The following HTR4 variants were observed in gnomAD, a reference collection of about 807,000 sequenced individuals.
The protein encoded by HTR4 is 5-hydroxytryptamine receptor 4, also known as 5-hydroxytryptamine (serotonin) receptor 4, G protein-coupled.
In HTR4, 16 loss-of-function variants were observed where a neutral mutation model predicts 36.8. That is an observed-to-expected ratio of 0.43 (90% confidence interval 0.29 to 0.66). HTR4 has a LOEUF of 0.66. Ranked by LOEUF, HTR4 falls within the 30% of genes least tolerant of loss-of-function variation. The pLI is 0.13. For synonymous variants in HTR4, 189 were observed against 185.1 expected (o/e 1.02, Z -0.17); for missense variants, 438 against 490.9 (o/e 0.89, Z 1.02).
chr5:148,570,303 A>T (rs988927294), intron 2 of HTR4, among the ~76,000 whole-genome samples: 2 of 152,146 alleles, frequency 1.3e-5, no homozygotes, highest in African/African-American at 4.8e-5. Context: ...GAGAAGAGGA[A>T]GCAGGCAGTC....
intron 6 of HTR4, among the ~76,000 whole-genome samples, chr5:148,496,040 C>A (rs1756670159): frequency 6.6e-6 from 1 of 152,074 alleles, no homozygotes; most frequent in Non-Finnish European, 1.5e-5. Flanking sequence ...GCGGAGGTTG[C>A]AGTAAGCCGA....
At chr5:148,626,908 G>A (rs1753130945) in intron 2 of HTR4, among the ~76,000 whole-genome samples, 1 of 152,106 alleles carries the variant, frequency 6.6e-6, no homozygotes, top group Admixed American at 6.5e-5. Context: ...TTACCTGAAT[G>A]TTCCACAGTT....
intron 5 of HTR4, among the ~76,000 whole-genome samples, chr5:148,461,010 G>A (rs1325013257): frequency 3.3e-5 from 5 of 151,900 alleles, no homozygotes; most frequent in Non-Finnish European, 7.4e-5. Flanking sequence ...TCATTATAAG[G>A]TATTTGTACT....
intron 5 of HTR4, among the ~76,000 whole-genome samples, chr5:148,522,793 C>A (rs1170869091): frequency 6.6e-6 from 1 of 152,062 alleles, no homozygotes; most frequent in South Asian, 2.1e-4. Context: ...TCTGGCTAAA[C>A]AAACCTAGCA....
chr5:148,637,138 A>T (rs1444225774), intron 1 of HTR4, 77 bp from the exon 2 acceptor site: 1 of 898,206 alleles, frequency 1.1e-6, no homozygotes, highest in Non-Finnish European at 1.8e-6. Context: ...TAAAAAACTC[A>T]AATAACTATT....
chr5:148,489,287 G>A lies in HTR4; in HGVS notation c.1077-5994C>T, dbSNP rs563466289. On this transcript the variant is annotated intron_variant, in intron 6 of 6. Transcript: ENST00000377888. ...CTCTGGCTGAGTGGAATGAATCCTA[G>A]TAACTTTCCCCAGGTAGAGTATCTA... Among the ~76,000 whole-genome samples, 14 of 152,308 alleles carry A rather than the reference G, an allele frequency of 9.2e-5. No homozygotes were observed. The East Asian group carries it at 2.7e-3, about 29-fold the overall frequency.
At chr5:148,501,374 G>A (rs1436408190) in intron 6 of HTR4, among the ~76,000 whole-genome samples, 2 of 152,118 alleles carry the variant, frequency 1.3e-5, no homozygotes, top group African/African-American at 4.8e-5. Flanking sequence ...ATTGCCTCTG[G>A]GAACAGGGGT....
chr5:148,486,129 C>T (rs76657877), intron 6 of HTR4, among the ~76,000 whole-genome samples: 3,963 of 152,320 alleles, frequency 0.026, 64 homozygotes, highest in Middle Eastern at 0.048. Flanking sequence ...CAACGTCTCT[C>T]TCTCAGCAGG....
At chr5:148,536,103 T>C (rs1169822632) in intron 4 of HTR4, among the ~76,000 whole-genome samples, 1 of 152,030 alleles carries the variant, frequency 6.6e-6, no homozygotes, top group African/African-American at 2.4e-5. Context: ...TAAAGAAATA[T>C]CTTCAACCAA....
At chr5:148,451,580 G>A (rs1334137413) in intron 5 of HTR4, among the ~76,000 whole-genome samples, 1 of 152,248 alleles carries the variant, frequency 6.6e-6, no homozygotes, top group Admixed American at 6.5e-5. Context: ...TGGGGTTCTT[G>A]TGTCACTCAT....
At chr5:148,625,261 G>A (rs74689887) in intron 2 of HTR4, among the ~76,000 whole-genome samples, 2 of 152,206 alleles carry the variant, frequency 1.3e-5, no homozygotes, top group East Asian at 3.9e-4. Context: ...GACAGGAAGG[G>A]TAGAGAGAGG....
At chr5:148,601,236 G>A (rs1172081911) in intron 2 of HTR4, among the ~76,000 whole-genome samples, 1 of 152,076 alleles carries the variant, frequency 6.6e-6, no homozygotes, top group African/African-American at 2.4e-5. Context: ...CTACACTGGT[G>A]ATGGAACTGT....
At chr5:148,457,797 A>G (rs1755137723) in intron 5 of HTR4, among the ~76,000 whole-genome samples, 1 of 135,314 alleles carries the variant, frequency 7.4e-6, no homozygotes, top group South Asian at 2.3e-4. Context: ...CATATCATTA[A>G]AATATCATAT....
intron 6 of HTR4, among the ~76,000 whole-genome samples, chr5:148,487,879 C>T (rs1009988769): frequency 7.9e-5 from 12 of 152,288 alleles, no homozygotes; most frequent in African/African-American, 2.6e-4. Context: ...ATAAAACATA[C>T]ATTTCAGCAA....
At chr5:148,496,014 C>T (rs753522481) in intron 6 of HTR4, among the ~76,000 whole-genome samples, 34 of 152,194 alleles carry the variant, frequency 2.2e-4, no homozygotes, top group Non-Finnish European at 3.4e-4. Context: ...GCAAGGGAAT[C>T]GCTTGAACTC....
In HTR4 at chr5:148,510,120, AG is replaced by A. The variant is rs1425172052; in HGVS notation, c.508-97del. ...GAAAAATGGGGAAGAGTGTGAGAAA[AG>A]AAAAAGGGAAAAGGAAGAAAGTGGA... On this transcript the variant is annotated intron_variant, in intron 5 of 6. Coordinates refer to ENST00000377888, the MANE Select transcript of HTR4 (RefSeq NM_000870.7). 3 of 749,164 alleles carry A rather than the reference AG, an allele frequency of 4.0e-6. No individual in the cohort carries two copies. In the African/African-American group the frequency reaches 5.3e-5, roughly 13 times the overall value. The allele number at this position is 749,164 out of a possible 1,614,324, so 46.4% of individuals were successfully genotyped here. A position where few individuals can be genotyped will look rare whatever the true frequency, so the allele number is the denominator to read the frequency against.
intron 5 of HTR4, among the ~76,000 whole-genome samples, chr5:148,518,402 G>A (rs1757861077): frequency 6.6e-6 from 1 of 152,060 alleles, no homozygotes; most frequent in African/African-American, 2.4e-5. Flanking sequence ...ATTAATTATA[G>A]AGCAAAAGAA....
chr5:148,553,824 TC>T (rs1317473847), intron 2 of HTR4, among the ~76,000 whole-genome samples: 2 of 152,226 alleles, frequency 1.3e-5, no homozygotes, highest in Non-Finnish European at 2.9e-5. Flanking sequence ...TTTGATGGTT[TC>T]TCTAAAGGTT....
intron 2 of HTR4, among the ~76,000 whole-genome samples, chr5:148,572,033 G>C (rs1760697616): frequency 1.3e-5 from 2 of 152,032 alleles, no homozygotes; most frequent in South Asian, 4.1e-4. Flanking sequence ...CTATGTGCTA[G>C]AAATGCTGAG....
Sources: allele counts gnomAD v4.1 joint callset (sites outside exome capture counted in the v4.1 genomes callset), GRCh38; gene constraint gnomAD v4.1.1; transcripts MANE v1.5; gene names NCBI Gene and HGNC (gene_info 2026-07-23, HGNC 2026-07-21).